PLD3: variants seen among roughly 807,000 people sequenced by gnomAD.
PLD3 encodes the protein 5'-3' exonuclease PLD3.
Under a neutral mutation model 58.4 loss-of-function variants are expected in PLD3, and 31 were observed. The observed-to-expected ratio is 0.53, with a 90% CI of 0.40 to 0.72. The LOEUF (loss-of-function observed/expected upper bound fraction) is 0.72, where lower values mean the gene tolerates loss of function less well. PLD3 is among the 30% of genes least tolerant of loss of function. The pLI is 0.00. For missense variants in PLD3, 595 were observed against 659.8 expected (o/e 0.90, Z 1.08); for synonymous variants, 264 against 273.4 (o/e 0.97, Z 0.34).
intron 1 of PLD3, among the ~76,000 whole-genome samples, chr19:40,350,012 G>C (rs1044434636): frequency 3.3e-5 from 5 of 149,622 alleles, no homozygotes; most frequent in Non-Finnish European, 7.4e-5. Flanking sequence ...TGTAATCCCA[G>C]CACTTTGGGA....
intron 6 of PLD3, among the ~76,000 whole-genome samples, chr19:40,368,490 T>C (rs2078984717): frequency 6.6e-6 from 1 of 152,174 alleles, no homozygotes; most frequent in African/African-American, 2.4e-5. Flanking sequence ...ATGGATAACC[T>C]CTTCCATTGA....
Position 40,378,399 on chromosome 19 carries a change from C to T in PLD3, c.*226C>T, listed in dbSNP as rs2079300428. ...ATCAGCCCCCAAAGAAATGGGGGTG[C>T]ATGCTGGGCCTGGCCCCCTGGCCCA... On this transcript the variant is annotated 3_prime_UTR_variant, in exon 13 of 13. Transcript: ENST00000409735. 3 of 639,012 alleles carry T rather than the reference C, an allele frequency of 4.7e-6. No individual in the cohort carries two copies. Among genetic ancestry groups the T allele is most frequent in the Admixed American group, 2.6e-5 (1 of 38,938 alleles). The allele number at this position is 639,012 out of a possible 1,614,324, so 39.6% of individuals were successfully genotyped here.
intron 9 of PLD3, among the ~76,000 whole-genome samples, chr19:40,373,531 T>G (rs1369546343): frequency 2.1e-5 from 3 of 141,048 alleles, no homozygotes; most frequent in East Asian, 2.2e-4. Flanking sequence ...GAGCCGAGAT[T>G]GCACCATTGC....
intron 11 of PLD3, among the ~76,000 whole-genome samples, chr19:40,377,223 GGGGGGCACAGAGA>G (rs2145708555): frequency 7.8e-6 from 1 of 127,636 alleles, no homozygotes; most frequent in Non-Finnish European, 1.7e-5. Flanking sequence ...GGGCTGGGGT[GGGGGGCACAGAGA>G]GAGGGTTTGG....
At chr19:40,374,757 CAGGA>C in intron 10 of PLD3, 137 bp downstream of exon 10, 4 of 897,038 alleles carry the variant, frequency 4.5e-6, no homozygotes, top group Non-Finnish European at 6.9e-6. Flanking sequence ...AGACAGTCAC[CAGGA>C]GGTGACCGGA....
At position 40,377,990 on chromosome 19, in the gene PLD3, C is replaced by T. The variant is rs199717679; in HGVS notation, c.1290C>T (p.Thr430=). 2 of 1,612,648 alleles carry T rather than the reference C, an allele frequency of 1.2e-6. No homozygotes were observed. The highest frequency in any genetic ancestry group is 1.7e-5 in the Admixed American group (1 of 59,956). Reference sequence around the variant, plus strand: ...GCTCCACCCATTCCTCTCTAGGAACCTCCAACTGGTCTGGCAACTACTTCA... The same window carrying T: ...GCTCCACCCATTCCTCTCTAGGAACTTCCAACTGGTCTGGCAACTACTTCA... ...MVTERATYIG[T]SNWSGNYFTE... Residue 430 remains threonine (T), a synonymous_variant, in exon 13 of 13, where the codon ACC becomes ACT. Transcript: ENST00000409735.
At chr19:40,354,017 C>T (rs937096956) in intron 1 of PLD3, among the ~76,000 whole-genome samples, 4 of 151,884 alleles carry the variant, frequency 2.6e-5, no homozygotes, top group Non-Finnish European at 4.4e-5. Context: ...CTTCAGCCTC[C>T]CACGTAGCTA....
At chr19:40,364,289 G>A (rs769292876) in intron 1 of PLD3, among the ~76,000 whole-genome samples, 5 of 151,886 alleles carry the variant, frequency 3.3e-5, no homozygotes, top group Non-Finnish European at 5.9e-5. Flanking sequence ...ACAAGGCGGA[G>A]GTTGCAGTGA....
chr19:40,351,913 G>A (rs1422056304), intron 1 of PLD3, among the ~76,000 whole-genome samples: 1 of 152,172 alleles, frequency 6.6e-6, no homozygotes, highest in East Asian at 1.9e-4. Flanking sequence ...TGGAAAGAGA[G>A]CCAGAATCTT....
chr19:40,361,268 T>C (rs1235427187), intron 1 of PLD3, among the ~76,000 whole-genome samples: 1 of 152,126 alleles, frequency 6.6e-6, no homozygotes, highest in African/African-American at 2.4e-5. Flanking sequence ...TGTGCCACCA[T>C]GCCCAGCTAA....
intron 1 of PLD3, among the ~76,000 whole-genome samples, chr19:40,352,063 G>C (rs1311623551): frequency 6.6e-6 from 1 of 152,152 alleles, no homozygotes; most frequent in Non-Finnish European, 1.5e-5. Flanking sequence ...CTTGAGGTCA[G>C]GAGTTCGAAA....
intron 1 of PLD3, among the ~76,000 whole-genome samples, chr19:40,354,069 C>CTTTTTT (rs36125021): frequency 1.3e-5 from 1 of 78,254 alleles, no homozygotes; most frequent in African/African-American, 5.7e-5. Context: ...ATTTTTTAGC[C>CTTTTTT]TTTTTTTTTT....
At chr19:40,363,786 C>T (rs1430094234) in intron 1 of PLD3, among the ~76,000 whole-genome samples, 1 of 152,068 alleles carries the variant, frequency 6.6e-6, no homozygotes, top group Non-Finnish European at 1.5e-5. Context: ...AAGAGGGGAT[C>T]TAGCATGTTC....
Position 40,350,496 on chromosome 19 carries a change from G to A in PLD3, c.-279+1728G>A, listed in dbSNP as rs2078485089. 2.6e-5 allele frequency among the ~76,000 whole-genome samples: 4 copies of A among 152,098 alleles called. No homozygotes were observed. The South Asian group carries it at 8.3e-4, about 31-fold the overall frequency. On this transcript the variant is annotated intron_variant, in intron 1 of 12. Coordinates refer to ENST00000409735, the MANE Select transcript of PLD3 (RefSeq NM_012268.4). ...GCAATGGCTCACACCTGTAATCCAAGCACTTTGGGAGGTGAAGTGGGTGGA... is the reference window on the plus strand; with the variant it reads ...GCAATGGCTCACACCTGTAATCCAAACACTTTGGGAGGTGAAGTGGGTGGA...
chr19:40,377,041 G>A (rs972352868), intron 11 of PLD3, among the ~76,000 whole-genome samples: 3 of 149,280 alleles, frequency 2.0e-5, no homozygotes, highest in South Asian at 2.1e-4. Flanking sequence ...AGGTAGAGGG[G>A]TCAGGGCTGG....
chr19:40,377,844 A>G lies in PLD3; in HGVS notation c.1244A>G (p.Asn415Ser). Residue 415 changes from asparagine (N) to serine (S), a missense_variant, in exon 12 of 13, where the codon AAC (asparagine) becomes AGC (serine). Asn to Ser is a conservative substitution (Grantham distance 46, BLOSUM62 1). Coordinates refer to ENST00000409735, the MANE Select transcript of PLD3 (RefSeq NM_012268.4). ...AQARIPYARV[N>S]HNKYMVTERA... The stretch of plus-strand genomic sequence containing the variant: ...GCTCGAATCCCATATGCCCGTGTCA[A>G]CCACAACAAGTACATGGTGACTGAA... 6.2e-7 allele frequency: 1 copy of G among 1,613,970 alleles called. No homozygotes were observed. The highest frequency in any genetic ancestry group is 2.2e-5 in the East Asian group (1 of 44,872).
At chr19:40,360,631 A>C (rs1419025628) in intron 1 of PLD3, 1 of 149,540 alleles carries the variant, frequency 6.7e-6, no homozygotes, top group Admixed American at 6.7e-5. Flanking sequence ...TCAGTTTTGG[A>C]GCCGAAGTCC....
intron 1 of PLD3, chr19:40,356,870 A>C (rs1358558692): frequency 6.6e-6 from 1 of 152,244 alleles, no homozygotes; most frequent in Non-Finnish European, 1.5e-5. Flanking sequence ...TCCTGGGGGC[A>C]ATGGGGAGCC....
At position 40,363,414 on chromosome 19, in the gene PLD3, A is replaced by ATTTGTTTG. The variant is rs56862567; in HGVS notation, c.-278-2279_-278-2272dup. On this transcript the variant is annotated intron_variant, in intron 1 of 12. Coordinates refer to ENST00000409735, the MANE Select transcript of PLD3 (RefSeq NM_012268.4). ...TTAGTCTGTTGCTGTTTCTTGCTAG[A>ATTTGTTTG]TTTGTTTGTTTGTTTGTTTGTTTGT... Among the ~76,000 whole-genome samples the ATTTGTTTG allele has an allele frequency of 9.0e-3, 1,360 of 150,954 alleles. 19 individuals carry two copies. The highest frequency in any genetic ancestry group is 0.022 in the African/African-American group (911 of 40,988).
Sources: gnomAD v4.1 joint callset for allele counts (sites outside exome capture counted in the v4.1 genomes callset) on GRCh38, gnomAD v4.1.1 for gene constraint, MANE v1.5 for transcripts, NCBI Gene and HGNC (gene_info 2026-07-23, HGNC 2026-07-21) for gene names.